The following GRIA1 variants were observed in gnomAD, a reference collection of about 807,000 sequenced individuals.
GRIA1 encodes glutamate ionotropic receptor AMPA type subunit 1.
GRIA1 carries 31 observed loss-of-function variants against 99.2 expected under a neutral mutation model. That is an observed-to-expected ratio of 0.31 (90% CI 0.23 to 0.42). GRIA1 has a LOEUF of 0.42. GRIA1 is among the 10% of genes least tolerant of loss of function. GRIA1 has a pLI of 1.00. For synonymous variants in GRIA1, 438 were observed against 432.4 expected, an observed-to-expected ratio of 1.01 and a Z score of -0.16; for missense variants, 782 against 1,157.5, an observed-to-expected ratio of 0.68 and a Z score of 4.71.
intron 2 of GRIA1, among the ~76,000 whole-genome samples, chr5:153,638,521 C>T (rs549369073): frequency 6.6e-6 from 1 of 152,354 alleles, no homozygotes; most frequent in East Asian, 1.9e-4. Flanking sequence ...TGTTCTGCTT[C>T]CCTTGACCCA....
chr5:153,490,827 G>C lies in GRIA1; in HGVS notation c.-62G>C, dbSNP rs946458496. 13 of 1,178,464 alleles carry C rather than the reference G, an allele frequency of 1.1e-5. No individual in the cohort carries two copies. The African/African-American group carries it at 1.2e-4, about 11-fold the overall frequency. 73.0% of individuals were successfully genotyped at this position (1,178,464 alleles called of 1,614,324 possible). On this transcript the variant is annotated 5_prime_UTR_variant, in exon 1 of 16. Coordinates refer to ENST00000285900, the MANE Select transcript of GRIA1 (RefSeq NM_000827.4). ...AACAGCGAGAAGAATAAAGGGAAAG[G>C]GGGGGAAACACCAAATCTATGATTG...
At chr5:153,567,436 A>G (rs1412496194) in intron 2 of GRIA1, among the ~76,000 whole-genome samples, 3 of 152,192 alleles carry the variant, frequency 2.0e-5, no homozygotes, top group African/African-American at 7.2e-5. Context: ...TTGGGGCCAG[A>G]TAATTCTTTG....
At chr5:153,521,739 T>A (rs536600627) in intron 2 of GRIA1, among the ~76,000 whole-genome samples, 1 of 152,256 alleles carries the variant, frequency 6.6e-6, no homozygotes, top group South Asian at 2.1e-4. Context: ...ATCAGGGGCT[T>A]GTTTTAAGGC....
intron 7 of GRIA1, among the ~76,000 whole-genome samples, chr5:153,683,420 C>A (rs1379540238): frequency 6.6e-6 from 1 of 152,114 alleles, no homozygotes. Context: ...ATCCTGGAGT[C>A]AAGCGCCATC....
chr5:153,576,722 C>A (rs1762556915), intron 2 of GRIA1, among the ~76,000 whole-genome samples: 1 of 152,204 alleles, frequency 6.6e-6, no homozygotes, highest in Non-Finnish European at 1.5e-5. Flanking sequence ...TTCCTTCTTG[C>A]TCTTCACTTG....
rs1758242866 is a variant in GRIA1 at position 153,698,061 on chromosome 5, AGAT to A, written c.1156_1158del (p.Asp386del). ...ATTAACAGATTGGTTACTGGAATGA[AGAT>A]GATAAGTTTGTCCCTGCAGCCACCG... On this transcript the variant is annotated inframe_deletion, in exon 9 of 16. Transcript: ENST00000285900. 2 of 1,602,144 alleles carry A rather than the reference AGAT, an allele frequency of 1.2e-6. No individual in the cohort carries two copies. The highest frequency in any genetic ancestry group is 1.7e-5 in the Admixed American group (1 of 59,958).
At chr5:153,670,264 G>A (rs182465274) in intron 5 of GRIA1, among the ~76,000 whole-genome samples, 238 of 152,220 alleles carry the variant, frequency 1.6e-3, no homozygotes, top group African/African-American at 5.4e-3. Context: ...AATAGCCCTA[G>A]GAACTCACTC....
chr5:153,668,688 G>T (rs11746923), intron 5 of GRIA1, among the ~76,000 whole-genome samples: 1 of 152,108 alleles, frequency 6.6e-6, no homozygotes, highest in Non-Finnish European at 1.5e-5. Context: ...GTGGAATAGG[G>T]GGACACTAAT....
intron 7 of GRIA1, among the ~76,000 whole-genome samples, chr5:153,684,004 A>G (rs181871791): frequency 4.6e-5 from 7 of 152,316 alleles, no homozygotes; most frequent in Non-Finnish European, 8.8e-5. Context: ...GCCTAGCACA[A>G]TAGCACTGGC....
At position 153,634,350 on chromosome 5, in the gene GRIA1, G is replaced by A. The variant is rs1008904632; in HGVS notation, c.221-12578G>A. Among the ~76,000 whole-genome samples, 6 of 151,420 alleles carry A rather than the reference G, an allele frequency of 4.0e-5. No individual in the cohort carries two copies. In the East Asian group the frequency reaches 7.7e-4, roughly 20 times the overall value. On this transcript the variant is annotated intron_variant, in intron 2 of 15. Transcript: ENST00000285900. The stretch of plus-strand genomic sequence containing the variant: ...AAAAAGAAAAAAAAAAGAGTAGGAT[G>A]AGTATTTTAGAGAAGGCCTCTATGA...
chr5:153,549,081 A>T (rs1759879965), intron 2 of GRIA1, among the ~76,000 whole-genome samples: 1 of 152,208 alleles, frequency 6.6e-6, no homozygotes, highest in Admixed American at 6.5e-5. Flanking sequence ...TTAGGTAGCA[A>T]ACAGCTCTGA....
In GRIA1 at chr5:153,676,994, T is replaced by C. The variant is rs1341204180; in HGVS notation, c.862T>C (p.Tyr288His). 7.0e-7 allele frequency: 1 copy of C among 1,429,222 alleles called. No individual in the cohort carries two copies. The highest frequency in any genetic ancestry group is 9.3e-7 in the Non-Finnish European group (1 of 1,078,712). 88.5% of individuals were successfully genotyped at this position (1,429,222 alleles called of 1,614,324 possible). The change falls in exon 7 of 16, where the codon TAC becomes CAC. Residue 288 changes from tyrosine to histidine, a missense_variant and splice_region_variant. Physicochemically the swap from Tyr to His is moderately conservative, Grantham distance 83. Transcript: ENST00000285900. ...HTRVDWKRPK[Y>H]TSALTYDGVK... ...TAACTGTCTCCATTCCTCCCACTAG[T>C]ACACCTCTGCGCTCACCTACGATGG...
In GRIA1 at chr5:153,496,009, T is replaced by A. The variant is rs140986232; in HGVS notation, c.220+1944T>A. 1.9e-3 allele frequency among the ~76,000 whole-genome samples: 288 copies of A among 152,344 alleles called. 1 individual carries two copies. Among genetic ancestry groups the A allele is most frequent in the African/African-American group, 6.7e-3 (279 of 41,584 alleles). ...ATAAATAGCTGGTGTGTGTATTCAC[T>A]CATGCTGCTGAGAAATATCTACAGC... is the stretch of plus-strand genomic sequence containing the variant. On this transcript the variant is annotated intron_variant, in intron 2 of 15. Coordinates refer to ENST00000285900, the MANE Select transcript of GRIA1 (RefSeq NM_000827.4).
At chr5:153,650,614 G>C (rs1754494041) in intron 4 of GRIA1, 100 bp downstream of exon 4, 4 of 1,121,580 alleles carry the variant, frequency 3.6e-6, no homozygotes, top group Admixed American at 5.3e-5. Flanking sequence ...TTATAAAGAG[G>C]GTTCTTGACT....
At chr5:153,533,902 A>T (rs1309968715) in intron 2 of GRIA1, among the ~76,000 whole-genome samples, 1 of 152,234 alleles carries the variant, frequency 6.6e-6, no homozygotes, top group Non-Finnish European at 1.5e-5. Context: ...TCTGAGGTTT[A>T]GCATAGAATA....
intron 11 of GRIA1, among the ~76,000 whole-genome samples, chr5:153,712,736 G>A (rs1759405441): frequency 6.6e-6 from 1 of 152,212 alleles, no homozygotes; most frequent in Non-Finnish European, 1.5e-5. Context: ...AAGGAACAGT[G>A]TCACAAGGAT....
chr5:153,551,766 T>A (rs1760166697), intron 2 of GRIA1, among the ~76,000 whole-genome samples: 1 of 152,200 alleles, frequency 6.6e-6, no homozygotes, highest in Admixed American at 6.5e-5. Flanking sequence ...TTTCATGCTG[T>A]GTCATAGCCT....
chr5:153,795,338 A>T, intron 14 of GRIA1: 1 of 580,940 alleles, frequency 1.7e-6, no homozygotes. Flanking sequence ...GGGCGGGGCC[A>T]GATGGAGTAT....
chr5:153,652,276 T>G (rs1754628756), intron 4 of GRIA1, among the ~76,000 whole-genome samples: 1 of 152,176 alleles, frequency 6.6e-6, no homozygotes, highest in Middle Eastern at 3.4e-3. Context: ...AATGACATAT[T>G]AATAGACAGA....
Sources: gnomAD v4.1 joint callset for allele counts (sites outside exome capture counted in the v4.1 genomes callset) on GRCh38, gnomAD v4.1.1 for gene constraint, MANE v1.5 for transcripts, NCBI Gene and HGNC (gene_info 2026-07-23, HGNC 2026-07-21) for gene names.